B3GALT1: variants seen among roughly 807,000 people sequenced by gnomAD.
B3GALT1 encodes the protein UDP-Gal:betaGlcNAc beta 1,3-galactosyltransferase, polypeptide 1.
Under a neutral mutation model 23.2 loss-of-function variants are expected in B3GALT1, and 10 were observed. The observed-to-expected ratio is 0.43, with a 90% confidence interval of 0.27 to 0.73. The LOEUF (loss-of-function observed/expected upper bound fraction) is 0.73, where lower values mean the gene tolerates loss of function less well. Among genes scored for constraint, B3GALT1 ranks in the 30% least tolerant of loss-of-function variants. The pLI is 0.21. For missense variants in B3GALT1, 299 were observed against 405.4 expected, an observed-to-expected ratio of 0.74 and a Z score of 2.25; for synonymous variants, 156 against 141.5, an observed-to-expected ratio of 1.10 and a Z score of -0.73.
chr2:167,621,860 TG>T (rs1179298521), intron 2 of B3GALT1, among the ~76,000 whole-genome samples: 2 of 152,052 alleles, frequency 1.3e-5, no homozygotes, highest in Non-Finnish European at 2.9e-5. Flanking sequence ...CATGATTGTG[TG>T]TTTGCTTCCC....
chr2:167,323,089 A>G (rs540489512), intron 1 of B3GALT1, among the ~76,000 whole-genome samples: 3 of 103,410 alleles, frequency 2.9e-5, no homozygotes, highest in South Asian at 8.0e-4. Flanking sequence ...AGCACAATAA[A>G]ACATTATTAT....
chr2:167,385,790 A>G (rs1284927391), intron 1 of B3GALT1, among the ~76,000 whole-genome samples: 1 of 152,156 alleles, frequency 6.6e-6, no homozygotes, highest in Non-Finnish European at 1.5e-5. Flanking sequence ...TTCTATCCAA[A>G]ACAACCCTTT....
chr2:167,574,517 T>G (rs2105402520), intron 2 of B3GALT1, among the ~76,000 whole-genome samples: 1 of 151,816 alleles, frequency 6.6e-6, no homozygotes. Context: ...ATTAACATGT[T>G]TGAAAAAGAA....
At chr2:167,531,869 A>G (rs1402795192) in intron 2 of B3GALT1, among the ~76,000 whole-genome samples, 1 of 152,134 alleles carries the variant, frequency 6.6e-6, no homozygotes, top group African/African-American at 2.4e-5. Context: ...GCTTATTGTG[A>G]ATATTTTGGC....
At chr2:167,565,800 G>C (rs1208760797) in intron 2 of B3GALT1, among the ~76,000 whole-genome samples, 5 of 152,176 alleles carry the variant, frequency 3.3e-5, no homozygotes, top group Non-Finnish European at 5.9e-5. Flanking sequence ...ACCACAATGA[G>C]ATACCATCTC....
At chr2:167,317,888 G>A (rs532454410) in intron 1 of B3GALT1, among the ~76,000 whole-genome samples, 21 of 152,026 alleles carry the variant, frequency 1.4e-4, no homozygotes, top group Admixed American at 5.2e-4. Flanking sequence ...CAACATGAGG[G>A]CCTAAATTTC....
intron 1 of B3GALT1, among the ~76,000 whole-genome samples, chr2:167,301,037 A>G (rs1559059607): frequency 1.3e-5 from 2 of 152,178 alleles, no homozygotes; most frequent in African/African-American, 2.4e-5. Flanking sequence ...CATATTCATC[A>G]TTTTATTCTG....
chr2:167,776,333 G>C (rs947637508), intron 3 of B3GALT1, among the ~76,000 whole-genome samples: 4 of 152,182 alleles, frequency 2.6e-5, no homozygotes, highest in Non-Finnish European at 5.9e-5. Context: ...ACATGTTGTA[G>C]AGGAAAAACC....
chr2:167,646,722 CAAG>C (rs1685753962), intron 2 of B3GALT1, among the ~76,000 whole-genome samples, 184 bp from the exon 3 acceptor site: 1 of 152,062 alleles, frequency 6.6e-6, no homozygotes, highest in South Asian at 2.1e-4. Flanking sequence ...TAAAAACTGA[CAAG>C]AAGAGAAAGT....
intron 1 of B3GALT1, among the ~76,000 whole-genome samples, chr2:167,335,553 G>T (rs555613956): frequency 6.6e-6 from 1 of 152,134 alleles, no homozygotes; most frequent in African/African-American, 2.4e-5. Context: ...ATGAGTTTCC[G>T]GGGAAGGGGG....
chr2:167,309,179 A>C (rs182943815), intron 1 of B3GALT1, among the ~76,000 whole-genome samples: 1 of 152,176 alleles, frequency 6.6e-6, no homozygotes, highest in Admixed American at 6.5e-5. Flanking sequence ...AACTTGGTCT[A>C]TATTTGGTGC....
chr2:167,809,107 G>T (rs1688823933), intron 3 of B3GALT1, among the ~76,000 whole-genome samples: 1 of 152,136 alleles, frequency 6.6e-6, no homozygotes, highest in African/African-American at 2.4e-5. Context: ...TCGTCACGTA[G>T]TCCTCGTGCC....
At chr2:167,792,846 AG>A (rs1423386986) in intron 3 of B3GALT1, among the ~76,000 whole-genome samples, 1 of 149,240 alleles carries the variant, frequency 6.7e-6, no homozygotes, top group Non-Finnish European at 1.5e-5. Flanking sequence ...AACAAAAGCA[AG>A]ATGGGGAACA....
At chr2:167,757,637 A>T (rs192184489) in intron 3 of B3GALT1, among the ~76,000 whole-genome samples, 1 of 152,320 alleles carries the variant, frequency 6.6e-6, no homozygotes, top group East Asian at 1.9e-4. Context: ...ATCTTAGGAC[A>T]GGACTGATCA....
intron 2 of B3GALT1, among the ~76,000 whole-genome samples, chr2:167,501,718 CAAAAA>C (rs35445623): frequency 4.6e-5 from 3 of 65,386 alleles, no homozygotes; most frequent in Non-Finnish European, 6.1e-5. Context: ...TCTACAGTGG[CAAAAA>C]AAAAAAAAAA....
In B3GALT1 at chr2:167,579,447, TC is replaced by T. The variant is rs1368166878; in HGVS notation, c.-409-67460del. Among the ~76,000 whole-genome samples the T allele has an allele frequency of 3.4e-3, 484 of 142,394 alleles. 21 individuals are homozygous for T. The highest frequency in any genetic ancestry group is 0.015 in the Middle Eastern group (4 of 272). The allele number at this position is 142,394 out of a possible 152,430, so 93.4% of individuals were successfully genotyped here. ...TTTTTTTTGTCTTTTTTTTTTTTTT[TC>T]CATTTAAATTCTGATGTCTGGTCTC... On this transcript the variant is annotated intron_variant, in intron 2 of 4. Transcript: ENST00000392690.
At chr2:167,555,485 A>G (rs1475121630) in intron 2 of B3GALT1, among the ~76,000 whole-genome samples, 1 of 152,114 alleles carries the variant, frequency 6.6e-6, no homozygotes, top group Non-Finnish European at 1.5e-5. Flanking sequence ...TAGCTCAACT[A>G]CTTGTCACTG....
intron 2 of B3GALT1, among the ~76,000 whole-genome samples, chr2:167,626,887 G>A (rs899560465): frequency 1.3e-5 from 2 of 151,632 alleles, no homozygotes; most frequent in Non-Finnish European, 3.0e-5. Context: ...GGAGAGAGTG[G>A]AAATGGGTAC....
chr2:167,678,131 C>G (rs1032234961), intron 3 of B3GALT1, among the ~76,000 whole-genome samples: 32 of 152,210 alleles, frequency 2.1e-4, no homozygotes, highest in African/African-American at 6.3e-4. Flanking sequence ...CACCTTCTAT[C>G]TGCTCTCTGG....
Sources: allele counts gnomAD v4.1 joint callset (sites outside exome capture counted in the v4.1 genomes callset), GRCh38; gene constraint gnomAD v4.1.1; transcripts MANE v1.5; gene names NCBI Gene and HGNC (gene_info 2026-07-23, HGNC 2026-07-21).